The following ABTB3 variants were observed in gnomAD, a reference collection of about 807,000 sequenced individuals.
The protein encoded by ABTB3 is ankyrin repeat- and BTB/POZ domain-containing protein 3.
the ABTB3 span, among the ~76,000 whole-genome samples, chr12:107,554,864 C>G: frequency 6.6e-6 from 1 of 152,158 alleles, no homozygotes; most frequent in Non-Finnish European, 1.5e-5. Flanking sequence ...TTTAAGTTAC[C>G]TAAAGGCAAG....
the ABTB3 span, among the ~76,000 whole-genome samples, chr12:107,377,580 G>A: frequency 1.3e-5 from 2 of 152,154 alleles, no homozygotes; most frequent in Non-Finnish European, 2.9e-5. Context: ...AGGTGACCAT[G>A]TGCTTGGAGG....
chr12:107,575,402 T>C, the ABTB3 span, among the ~76,000 whole-genome samples: 1 of 152,164 alleles, frequency 6.6e-6, no homozygotes, highest in Admixed American at 6.5e-5. Flanking sequence ...CCACGCTAAG[T>C]ACATCATCCC....
the ABTB3 span, among the ~76,000 whole-genome samples, chr12:107,322,946 C>T: frequency 1.3e-5 from 2 of 152,162 alleles, no homozygotes. Flanking sequence ...TTGTTCCTAT[C>T]AAATGGAACT....
the ABTB3 span, among the ~76,000 whole-genome samples, chr12:107,550,449 G>A: frequency 4.0e-5 from 6 of 149,128 alleles, no homozygotes; most frequent in Non-Finnish European, 3.0e-5. Flanking sequence ...TCGTAATATG[G>A]AAAATTCTCT....
chr12:107,637,824 GTGTGTGTGT>G, the ABTB3 span, among the ~76,000 whole-genome samples: 24 of 141,692 alleles, frequency 1.7e-4, no homozygotes, highest in East Asian at 4.3e-3. Flanking sequence ...GTGTGTGTGT[GTGTGTGTGT>G]GGTATGGTGT....
the ABTB3 span, among the ~76,000 whole-genome samples, chr12:107,342,496 C>T: frequency 6.6e-6 from 1 of 152,132 alleles, no homozygotes; most frequent in African/African-American, 2.4e-5. Context: ...TCTCAAGAAC[C>T]TAGGGACCAT....
At chr12:107,512,414 T>C in the ABTB3 span, among the ~76,000 whole-genome samples, 2 of 152,262 alleles carry the variant, frequency 1.3e-5, no homozygotes, top group Admixed American at 6.5e-5. Context: ...CTTTGTCTTT[T>C]GTCCCATGGG....
chr12:107,511,959 A>G, the ABTB3 span, among the ~76,000 whole-genome samples: 1 of 152,142 alleles, frequency 6.6e-6, no homozygotes, highest in Non-Finnish European at 1.5e-5. Context: ...TGGTCAGCCT[A>G]GGGGTTTTAA....
the ABTB3 span, among the ~76,000 whole-genome samples, chr12:107,384,265 T>A: frequency 3.3e-5 from 5 of 152,120 alleles, no homozygotes; most frequent in Non-Finnish European, 7.4e-5. Context: ...CTTAGGGCCA[T>A]GTAGCTAGGA....
the ABTB3 span, among the ~76,000 whole-genome samples, chr12:107,558,398 C>T: frequency 1.1e-4 from 16 of 152,296 alleles, no homozygotes; most frequent in African/African-American, 3.4e-4. Flanking sequence ...GCCCTGTCTG[C>T]GCTGAGGCTG....
the ABTB3 span, among the ~76,000 whole-genome samples, chr12:107,513,569 G>A: frequency 0.099 from 15,042 of 152,192 alleles, 813 homozygotes; most frequent in South Asian, 0.14. Flanking sequence ...CCCCAGCAAT[G>A]CGGAACTGTG....
the ABTB3 span, among the ~76,000 whole-genome samples, chr12:107,624,548 G>T: frequency 1.3e-5 from 2 of 152,056 alleles, no homozygotes; most frequent in African/African-American, 4.8e-5. Context: ...CTCTAATTTT[G>T]TCATTTAAAG....
At chr12:107,586,629 T>G in the ABTB3 span, among the ~76,000 whole-genome samples, 4 of 152,112 alleles carry the variant, frequency 2.6e-5, no homozygotes, top group Non-Finnish European at 4.4e-5. Context: ...ACAGAGAAAC[T>G]GCCCTCTCCC....
At chr12:107,589,694 C>T in the ABTB3 span, among the ~76,000 whole-genome samples, 2 of 152,230 alleles carry the variant, frequency 1.3e-5, no homozygotes, top group African/African-American at 2.4e-5. Flanking sequence ...GGGGCATGGA[C>T]TATTATAGAA....
chr12:107,605,889 G>T, the ABTB3 span, among the ~76,000 whole-genome samples: 1 of 152,190 alleles, frequency 6.6e-6, no homozygotes, highest in African/African-American at 2.4e-5. Flanking sequence ...ATGGATATGG[G>T]CATGAGAAAA....
chr12:107,448,885 C>T, the ABTB3 span, among the ~76,000 whole-genome samples: 1 of 152,220 alleles, frequency 6.6e-6, no homozygotes, highest in East Asian at 1.9e-4. Flanking sequence ...AGCCTCTACT[C>T]ATTGTGGGGC....
At chr12:107,575,044 G>A in the ABTB3 span, among the ~76,000 whole-genome samples, 4 of 152,288 alleles carry the variant, frequency 2.6e-5, no homozygotes, top group South Asian at 2.1e-4. Flanking sequence ...AACCAGCACC[G>A]AATATGGTCT....
chr12:107,552,225 T>C, the ABTB3 span, among the ~76,000 whole-genome samples: 3 of 152,190 alleles, frequency 2.0e-5, no homozygotes, highest in African/African-American at 7.2e-5. Context: ...CTCCTAGCCA[T>C]TAGTCTGTTT....
chr12:107,635,227 G>C, the ABTB3 span: 1 of 1,507,302 alleles, frequency 6.6e-7, no homozygotes, highest in African/African-American at 1.4e-5. Context: ...CTGGGGCACA[G>C]CTTGACTGAG....
Sources: gnomAD v4.1 joint callset for allele counts (sites outside exome capture counted in the v4.1 genomes callset) on GRCh38, gnomAD v4.1.1 for gene constraint, MANE v1.5 for transcripts, NCBI Gene and HGNC (gene_info 2026-07-23, HGNC 2026-07-21) for gene names.